Variants in SBF2 observed in about 807,000 individuals in gnomAD.
SBF2 encodes the protein SET binding factor 2.
A neutral mutation model predicts 225.2 loss-of-function variants in SBF2; 112 were observed. That is an observed-to-expected ratio of 0.50 (90% confidence interval 0.43 to 0.58). The LOEUF is 0.58. SBF2 is among the 20% of genes least tolerant of loss of function. SBF2 has a pLI of 0.00. For synonymous variants in SBF2, 763 were observed against 773.3 expected (o/e 0.99, Z 0.22); for missense variants, 1,996 against 2,206.2 (o/e 0.90, Z 1.91).
chr11:9,832,055 T>C (rs970854858), intron 27 of SBF2, among the ~76,000 whole-genome samples, 169 bp downstream of exon 27: 3 of 152,224 alleles, frequency 2.0e-5, no homozygotes, highest in African/African-American at 7.2e-5. Flanking sequence ...CCTCACACTA[T>C]CAAGTATAGT....
chr11:9,921,984 G>A (rs540348890), intron 16 of SBF2, among the ~76,000 whole-genome samples: 2 of 152,334 alleles, frequency 1.3e-5, no homozygotes, highest in South Asian at 4.1e-4. Flanking sequence ...GGTAGTTCAT[G>A]TCTGTAATCC....
intron 2 of SBF2, among the ~76,000 whole-genome samples, chr11:10,178,215 C>T (rs1444466220): frequency 9.4e-5 from 14 of 149,010 alleles, no homozygotes; most frequent in East Asian, 2.1e-4. Flanking sequence ...AAGACTTAAA[C>T]GTTAGACCTA....
At chr11:9,862,055 C>G (rs553765375) in intron 17 of SBF2, among the ~76,000 whole-genome samples, 1 of 152,096 alleles carries the variant, frequency 6.6e-6, no homozygotes, top group Admixed American at 6.5e-5. Context: ...CAGACACAAA[C>G]GGCTATGGCA....
At chr11:10,043,172 T>C (rs571223834) in intron 2 of SBF2, among the ~76,000 whole-genome samples, 191 bp from the exon 3 acceptor site, 2 of 152,300 alleles carry the variant, frequency 1.3e-5, no homozygotes, top group African/African-American at 4.8e-5. Flanking sequence ...TGTGCATATA[T>C]ATTTCATGAA....
At chr11:10,227,086 C>T (rs370932112) in intron 1 of SBF2, among the ~76,000 whole-genome samples, 8,172 of 152,214 alleles carry the variant, frequency 0.054, 304 homozygotes, top group Middle Eastern at 0.14. Flanking sequence ...TGATGATGAG[C>T]ATTTTTTCAT....
chr11:9,937,185 A>T (rs1223599831), intron 16 of SBF2, among the ~76,000 whole-genome samples: 1 of 152,246 alleles, frequency 6.6e-6, no homozygotes, highest in Non-Finnish European at 1.5e-5. Context: ...ACACATATTC[A>T]GCACAATATA....
intron 1 of SBF2, among the ~76,000 whole-genome samples, chr11:10,273,317 G>C (rs577448778): frequency 3.9e-5 from 6 of 152,264 alleles, no homozygotes; most frequent in Admixed American, 6.5e-5. Flanking sequence ...CCAGGATCTA[G>C]ATGTTTTTGA....
chr11:9,937,968 G>A (rs1394354095), intron 16 of SBF2, among the ~76,000 whole-genome samples: 1 of 152,164 alleles, frequency 6.6e-6, no homozygotes, highest in Non-Finnish European at 1.5e-5. Flanking sequence ...AAAACTGGAT[G>A]TTATTAGATG....
At chr11:9,977,774 C>T (rs1262711891) in intron 13 of SBF2, among the ~76,000 whole-genome samples, 1 of 152,126 alleles carries the variant, frequency 6.6e-6, no homozygotes, top group African/African-American at 2.4e-5. Context: ...CACCAAATGC[C>T]TTTCTTAATT....
intron 1 of SBF2, among the ~76,000 whole-genome samples, chr11:10,266,887 G>A (rs1410902786): frequency 6.6e-6 from 1 of 152,118 alleles, no homozygotes; most frequent in East Asian, 1.9e-4. Flanking sequence ...TCAGGAGTTC[G>A]AGACCAGCCT....
chr11:9,794,955 C>T (rs1853027952), intron 33 of SBF2, among the ~76,000 whole-genome samples: 1 of 152,046 alleles, frequency 6.6e-6, no homozygotes, highest in African/African-American at 2.4e-5. Context: ...TTCCTGATTT[C>T]AGATTTAAAA....
intron 32 of SBF2, among the ~76,000 whole-genome samples, chr11:9,805,220 T>C (rs1853736333): frequency 6.7e-6 from 1 of 149,228 alleles, no homozygotes; most frequent in Non-Finnish European, 1.5e-5. Flanking sequence ...CACTCCAACC[T>C]AGGTGACAGA....
rs370563710 is a variant in SBF2, at chr11:10,096,714, C to A, written c.142-53733G>T. Among the ~76,000 whole-genome samples, 14 of 152,206 alleles carry A rather than the reference C, an allele frequency of 9.2e-5. 1 individual carries two copies. Among genetic ancestry groups the A allele is most frequent in the African/African-American group, 3.4e-4 (14 of 41,528 alleles). ...CTTTTCTGATAATGTCAAAAGGCACCTCAATAGTACATTTGTGACAATAAT... is the reference window on the plus strand; with the variant it reads ...CTTTTCTGATAATGTCAAAAGGCACATCAATAGTACATTTGTGACAATAAT... On this transcript the variant is annotated intron_variant, in intron 2 of 39. Transcript: ENST00000256190.
At chr11:10,109,402 C>G (rs568675329) in intron 2 of SBF2, among the ~76,000 whole-genome samples, 5 of 152,134 alleles carry the variant, frequency 3.3e-5, no homozygotes, top group Non-Finnish European at 7.4e-5. Flanking sequence ...TTGGCAGTCT[C>G]AATGCATAAG....
chr11:9,847,008 T>C lies in SBF2; in HGVS notation c.2882A>G (p.Gln961Arg), dbSNP rs776603587. 4 of 1,613,870 alleles carry C rather than the reference T, an allele frequency of 2.5e-6. No homozygotes were observed. Among genetic ancestry groups the C allele is most frequent in the African/African-American group, 1.3e-5 (1 of 75,048 alleles). Reference protein sequence around the residue: ...TKEKKITMQNQLQQNMQEGLQ... With the variant: ...TKEKKITMQNRLQQNMQEGLQ... Reference sequence around the variant, plus strand: ...TCCTTCTTGCATGTTCTGCTGTAGCTGGTTCTGCATTGTAATCTTCTTCTC... The same window carrying C: ...TCCTTCTTGCATGTTCTGCTGTAGCCGGTTCTGCATTGTAATCTTCTTCTC... Residue 961 changes from glutamine to arginine, a missense_variant, in exon 23 of 40, where the codon CAG becomes CGG. By Grantham distance (43) the Gln-to-Arg change is conservative. Transcript: ENST00000256190.
chr11:10,133,304 G>A (rs955775095), intron 2 of SBF2, among the ~76,000 whole-genome samples: 5 of 149,606 alleles, frequency 3.3e-5, no homozygotes, highest in East Asian at 2.2e-4. Flanking sequence ...CCGTGTGCTC[G>A]CATTCCTCAG....
chr11:9,791,389 AG>A (rs1349388299), intron 33 of SBF2: 1 of 149,894 alleles, frequency 6.7e-6, no homozygotes. Flanking sequence ...GAAGTGACAT[AG>A]TCAAAATCAA....
At chr11:10,297,488 A>G (rs1477264958), upstream of SBF2, among the ~76,000 whole-genome samples, 1 of 152,226 alleles carries the variant, frequency 6.6e-6, no homozygotes, top group Non-Finnish European at 1.5e-5. Context: ...GGTGAGATGA[A>G]GATTTACTGG....
chr11:10,037,690 G>C (rs1408289417), intron 3 of SBF2, among the ~76,000 whole-genome samples: 1 of 143,386 alleles, frequency 7.0e-6, no homozygotes. Flanking sequence ...ATCTTTTTCT[G>C]TTCTCTCAAA....
Sources: gnomAD v4.1 joint callset for allele counts (sites outside exome capture counted in the v4.1 genomes callset) on GRCh38, gnomAD v4.1.1 for gene constraint, MANE v1.5 for transcripts, NCBI Gene and HGNC (gene_info 2026-07-23, HGNC 2026-07-21) for gene names.